The following GOT1 variants were observed in gnomAD, a reference collection of about 807,000 sequenced individuals.
The protein encoded by GOT1 is glutamic-oxaloacetic transaminase 1, also known as aspartate aminotransferase, cytoplasmic.
GOT1 carries 25 observed loss-of-function variants against 48.2 expected under a neutral mutation model. That is an observed-to-expected ratio of 0.52 (90% CI 0.38 to 0.72). The LOEUF is 0.72. Among genes scored for constraint, GOT1 ranks in the 30% least tolerant of loss-of-function variants. GOT1 has a pLI of 0.00. For missense variants in GOT1, 380 were observed against 520.1 expected, an observed-to-expected ratio of 0.73 and a Z score of 2.62; for synonymous variants, 188 against 193.8, an observed-to-expected ratio of 0.97 and a Z score of 0.25.
At chr10:99,418,710 C>A (rs2032929340) in intron 2 of GOT1, among the ~76,000 whole-genome samples, 1 of 152,066 alleles carries the variant, frequency 6.6e-6, no homozygotes. Flanking sequence ...GCCATGTTAC[C>A]CAGGCTGGTC....
At position 99,424,689 on chromosome 10, in the gene GOT1, A is replaced by G. The variant is rs7896693; in HGVS notation, c.119-3884T>C. ...TGTGAAACTCTAAAATTCCAATACT[A>G]CTACTTGGGTTGGGGATGGTTGGAG... On this transcript the variant is annotated intron_variant, in intron 1 of 8. Coordinates refer to ENST00000370508, the MANE Select transcript of GOT1 (RefSeq NM_002079.3). Among the ~76,000 whole-genome samples, 596 of 152,264 alleles carry G rather than the reference A, an allele frequency of 3.9e-3. 3 individuals carry two copies. Among genetic ancestry groups the G allele is most frequent in the African/African-American group, 0.014 (566 of 41,556 alleles).
rs185048414 is a variant in GOT1, at chr10:99,402,044, G to A, written c.1102+536C>T. Among the ~76,000 whole-genome samples the A allele has an allele frequency of 1.8e-3, 279 of 152,116 alleles. 1 individual carries two copies. The Middle Eastern group carries it at 0.034, about 19-fold the overall frequency. ...AGGATGGTCTTGATCTCCTGATCTC[G>A]TGATCTGCCCACCTCAGCCTCCCAA... On this transcript the variant is annotated intron_variant, in intron 8 of 8. Coordinates refer to ENST00000370508, the MANE Select transcript of GOT1 (RefSeq NM_002079.3).
intron 1 of GOT1, among the ~76,000 whole-genome samples, chr10:99,427,715 C>T (rs1480067600): frequency 1.3e-5 from 2 of 152,166 alleles, no homozygotes; most frequent in Non-Finnish European, 2.9e-5. Flanking sequence ...TCTCCTGGCT[C>T]TTCCCACTAC....
intron 2 of GOT1, among the ~76,000 whole-genome samples, chr10:99,410,891 T>G (rs1004116118): frequency 1.5e-4 from 23 of 152,186 alleles, no homozygotes; most frequent in African/African-American, 5.5e-4. Context: ...CCAGGAAGAC[T>G]TGGTATGAAG....
chr10:99,422,458 ATTTTTG>A (rs2032983077), intron 1 of GOT1, among the ~76,000 whole-genome samples: 2 of 152,168 alleles, frequency 1.3e-5, no homozygotes. Flanking sequence ...TCTAAGCTTT[ATTTTTG>A]ATGGGCATAT....
intron 2 of GOT1, among the ~76,000 whole-genome samples, chr10:99,420,097 C>A (rs1408102127): frequency 1.3e-5 from 2 of 152,332 alleles, no homozygotes; most frequent in East Asian, 1.9e-4. Flanking sequence ...GCCACAGACA[C>A]CTTTTGAAAA....
At chr10:99,405,604 G>A in intron 5 of GOT1, 152 bp downstream of exon 5, 1 of 538,542 alleles carries the variant, frequency 1.9e-6, no homozygotes, top group South Asian at 2.2e-5. Context: ...TCTTTCTTTA[G>A]GTAATAAAAT....
chr10:99,406,069 G>T, intron 4 of GOT1, 68 bp downstream of exon 4: 2 of 1,076,654 alleles, frequency 1.9e-6, no homozygotes, highest in Non-Finnish European at 2.9e-6. Flanking sequence ...CTTAGCAACT[G>T]GTCCAAAGAC....
intron 2 of GOT1, among the ~76,000 whole-genome samples, chr10:99,410,760 C>A (rs1188174125): frequency 2.0e-5 from 3 of 152,182 alleles, no homozygotes; most frequent in Non-Finnish European, 2.9e-5. Flanking sequence ...GTCCTACAGC[C>A]TAAGAATGTC....
chr10:99,403,401 A>G, intron 7 of GOT1, 68 bp downstream of exon 7: 5 of 1,248,166 alleles, frequency 4.0e-6, no homozygotes, highest in Non-Finnish European at 5.7e-6. Flanking sequence ...AGACCCAGTT[A>G]AATGTACTGG....
chr10:99,402,622 T>C lies in GOT1; in HGVS notation c.1060A>G (p.Ile354Val). 1 of 1,614,106 alleles carries C rather than the reference T, an allele frequency of 6.2e-7. No individual in the cohort carries two copies. Among genetic ancestry groups the C allele is most frequent in the East Asian group, 2.2e-5 (1 of 44,888 alleles). ...CTGAACATGCCAATTTGATCAGTGA[T>C]GTGGTTCCAGGTCCCAGGGGTTTTG... ...ALKTPGTWNH[I>V]TDQIGMFSFT... Residue 354 changes from isoleucine (I) to valine (V), a missense_variant, in exon 8 of 9, where the codon ATC (isoleucine) becomes GTC (valine). Transcript: ENST00000370508.
chr10:99,430,208 C>G (rs576254945), intron 1 of GOT1: 2 of 1,144,866 alleles, frequency 1.7e-6, no homozygotes, highest in East Asian at 5.6e-5. Context: ...GAGTTTGTGT[C>G]TTGGCTGCTA....
chr10:99,412,053 T>C (rs956986528), intron 2 of GOT1, among the ~76,000 whole-genome samples: 2 of 152,156 alleles, frequency 1.3e-5, no homozygotes, highest in African/African-American at 4.8e-5. Context: ...GAAGTGACCC[T>C]TGATCAGCTC....
intron 2 of GOT1, among the ~76,000 whole-genome samples, chr10:99,408,246 C>G (rs772059746): frequency 1.3e-5 from 2 of 152,140 alleles, no homozygotes; most frequent in Non-Finnish European, 2.9e-5. Flanking sequence ...GTTTTCCATT[C>G]TAGATGGAGT....
chr10:99,427,424 A>T (rs1428047377), intron 1 of GOT1, among the ~76,000 whole-genome samples: 1 of 152,018 alleles, frequency 6.6e-6, no homozygotes, highest in African/African-American at 2.4e-5. Context: ...GCCCGCCACC[A>T]CGCCCTGCTA....
chr10:99,418,812 C>G (rs973210668), intron 2 of GOT1, among the ~76,000 whole-genome samples: 1 of 152,174 alleles, frequency 6.6e-6, no homozygotes, highest in African/African-American at 2.4e-5. Flanking sequence ...CAGTTCCCCA[C>G]TTTCAAACTT....
rs1204784599 is a variant in GOT1, at chr10:99,397,585, C to T, written c.1204G>A (p.Ala402Thr). 2 of 1,614,026 alleles carry T rather than the reference C, an allele frequency of 1.2e-6. No homozygotes were observed. The highest frequency in any genetic ancestry group is 1.7e-6 in the Non-Finnish European group (2 of 1,179,974). ...GTGACTGCTTCATGGATGGAGGTGG[C>T]CACGTAATCTAGATTTTTGGTGGTT... ...GLTTKNLDYV[A>T]TSIHEAVTKI... Residue 402 changes from alanine (A) to threonine (T), a missense_variant, in exon 9 of 9, where the codon GCC becomes ACC. Ala to Thr is a moderately conservative substitution (Grantham distance 58, BLOSUM62 0). Transcript: ENST00000370508. This position sits in a 1 kb window ranked among gnomAD's most constrained non-coding sequence, Gnocchi z 5.4.
intron 8 of GOT1, among the ~76,000 whole-genome samples, chr10:99,398,401 G>A (rs1177159410): frequency 6.6e-6 from 1 of 152,192 alleles, no homozygotes; most frequent in Non-Finnish European, 1.5e-5. Flanking sequence ...TGGGCACAGT[G>A]GTTCACGCCT....
At chr10:99,424,894 TAAC>T (rs1328882320) in intron 1 of GOT1, among the ~76,000 whole-genome samples, 1 of 152,162 alleles carries the variant, frequency 6.6e-6, no homozygotes, top group Admixed American at 6.5e-5. Flanking sequence ...GGTCAGGCAT[TAAC>T]AACAACCACT....
Sources: allele counts gnomAD v4.1 joint callset (sites outside exome capture counted in the v4.1 genomes callset), GRCh38; gene constraint gnomAD v4.1.1; non-coding constraint Gnocchi (gnomAD v3.1); transcripts MANE v1.5; gene names NCBI Gene and HGNC (gene_info 2026-07-23, HGNC 2026-07-21).